The following PCDHA1 variants were observed in gnomAD, a reference collection of about 807,000 sequenced individuals.
The protein encoded by PCDHA1 is protocadherin alpha-1.
Under a neutral mutation model 61.3 loss-of-function variants are expected in PCDHA1, and 42 were observed. That is an observed-to-expected ratio of 0.69 (90% CI 0.54 to 0.89). PCDHA1 has a LOEUF of 0.89. Among genes scored for constraint, PCDHA1 ranks in the 40% least tolerant of loss-of-function variants. The pLI, the probability that PCDHA1 is intolerant of heterozygous loss-of-function variation, is 0.00. For synonymous variants in PCDHA1, 610 were observed against 553.8 expected, an observed-to-expected ratio of 1.10 and a Z score of -1.43; for missense variants, 1,256 against 1,235.3, an observed-to-expected ratio of 1.02 and a Z score of -0.25.
intron 1 of PCDHA1, among the ~76,000 whole-genome samples, chr5:140,953,598 T>C (rs1189793307): frequency 2.6e-5 from 4 of 152,188 alleles, no homozygotes; most frequent in South Asian, 2.1e-4. Context: ...CTTTTGTTTA[T>C]TCCCCAGAGT....
chr5:140,864,909 A>G (rs1046704709), intron 1 of PCDHA1: 1 of 152,160 alleles, frequency 6.6e-6, no homozygotes, highest in Non-Finnish European at 1.5e-5. Flanking sequence ...TCAGAATGGC[A>G]TTGCTGAGCT....
intron 1 of PCDHA1, chr5:140,848,620 G>T (rs2150415241): frequency 6.3e-7 from 1 of 1,593,518 alleles, no homozygotes; most frequent in Non-Finnish European, 8.6e-7. Context: ...GCCGAACACG[G>T]CACCTTCGTG....
At chr5:140,869,617 C>T (rs782525218) in intron 1 of PCDHA1, 3 of 1,613,828 alleles carry the variant, frequency 1.9e-6, no homozygotes, top group Non-Finnish European at 2.5e-6. Context: ...GACCTACAGG[C>T]TAAGTAAAAA....
intron 1 of PCDHA1, chr5:140,794,895 C>A: frequency 6.8e-7 from 1 of 1,474,750 alleles, no homozygotes; most frequent in Non-Finnish European, 9.2e-7. Flanking sequence ...AGGACTTTAA[C>A]AGAGACTAGA....
In PCDHA1 at chr5:140,787,469, C is replaced by G. The variant is rs782637108; in HGVS notation, c.1179C>G (p.Val393=). The change falls in exon 1 of 4, where the codon GTC becomes GTG. Residue 393 remains valine, a synonymous_variant. Coordinates refer to ENST00000504120, the MANE Select transcript of PCDHA1 (RefSeq NM_018900.4). ...GQVTCSLMPH[V]PFKLVSTFKN... ...TGACTTGCTCCTTAATGCCCCACGTCCCCTTCAAGCTGGTGTCCACCTTCA... is the reference window on the plus strand; with the variant it reads ...TGACTTGCTCCTTAATGCCCCACGTGCCCTTCAAGCTGGTGTCCACCTTCA... The G allele has an allele frequency of 2.0e-5, 33 of 1,614,100 alleles. No homozygotes were observed. Among genetic ancestry groups the G allele is most frequent in the Non-Finnish European group, 2.7e-5 (32 of 1,180,038 alleles).
At chr5:140,848,740 G>A (rs2150419221) in intron 1 of PCDHA1, 5 of 1,593,114 alleles carry the variant, frequency 3.1e-6, no homozygotes, top group East Asian at 2.2e-5. Context: ...CTGCAGAATG[G>A]CATTTTGTTT....
At chr5:140,901,485 C>T (rs894282962) in intron 1 of PCDHA1, among the ~76,000 whole-genome samples, 1 of 152,086 alleles carries the variant, frequency 6.6e-6, no homozygotes, top group African/African-American at 2.4e-5. Context: ...GTTCTTGGCA[C>T]CTTCATCGAA....
chr5:140,932,063 T>C (rs1020375496), intron 1 of PCDHA1, among the ~76,000 whole-genome samples: 8 of 151,942 alleles, frequency 5.3e-5, no homozygotes, highest in African/African-American at 1.4e-4. Context: ...CTAAAAATTA[T>C]CAGTTTAAGA....
At chr5:140,822,630 TG>T in intron 1 of PCDHA1, 1 of 1,611,460 alleles carries the variant, frequency 6.2e-7, no homozygotes, top group Non-Finnish European at 8.5e-7. Context: ...ATCTTGTTCT[TG>T]ACGATGTAAA....
intron 1 of PCDHA1, among the ~76,000 whole-genome samples, chr5:140,838,428 T>G (rs1373601057): frequency 6.6e-6 from 1 of 151,638 alleles, no homozygotes; most frequent in Non-Finnish European, 1.5e-5. Context: ...CCGGCCTAAA[T>G]TATATATTGG....
intron 1 of PCDHA1, chr5:140,871,023 C>T: frequency 6.2e-7 from 1 of 1,613,268 alleles, no homozygotes; most frequent in Non-Finnish European, 8.5e-7. Context: ...ACGAGGCAGA[C>T]TCGCCGCGCC....
intron 1 of PCDHA1, among the ~76,000 whole-genome samples, chr5:140,909,217 C>T (rs2074379679): frequency 6.6e-6 from 1 of 152,106 alleles, no homozygotes; most frequent in Non-Finnish European, 1.5e-5. Context: ...GTTGATATAC[C>T]CCTGAGGTAG....
intron 1 of PCDHA1, chr5:140,807,698 A>G: frequency 6.2e-7 from 1 of 1,614,212 alleles, no homozygotes; most frequent in Non-Finnish European, 8.5e-7. Context: ...GCTCACTTAC[A>G]GACTGAGCCC....
At chr5:140,846,534 C>T (rs1554141358) in intron 1 of PCDHA1, among the ~76,000 whole-genome samples, 2 of 148,222 alleles carry the variant, frequency 1.3e-5, no homozygotes, top group African/African-American at 4.9e-5. Context: ...GCCACCATGC[C>T]CTGCTAATTT....
intron 1 of PCDHA1, among the ~76,000 whole-genome samples, chr5:140,973,202 T>C (rs1266876355): frequency 3.3e-5 from 5 of 152,244 alleles, no homozygotes; most frequent in African/African-American, 1.2e-4. Flanking sequence ...TATGTGTGCA[T>C]ATTCACCCTA....
At chr5:140,860,165 GT>G (rs1478173649) in intron 1 of PCDHA1, 2 of 147,750 alleles carry the variant, frequency 1.4e-5, no homozygotes, top group Non-Finnish European at 3.0e-5. Flanking sequence ...ATATATATAT[GT>G]ATATATATAT....
intron 1 of PCDHA1, chr5:140,827,968 A>ATTCTTCTT: frequency 7.3e-7 from 1 of 1,370,946 alleles, no homozygotes; most frequent in South Asian, 1.4e-5. Flanking sequence ...CTATTACTGC[A>ATTCTTCTT]TCATTCCCTG....
rs116577362 is a variant in PCDHA1 at position 140,863,312 on chromosome 5, T to G, written c.2394+74628T>G. On this transcript the variant is annotated intron_variant, in intron 1 of 3. Transcript: ENST00000504120. ...TACCTGATCATCGCCATCTGCGTGGTGTCCAGCCTGTTAGTGCTCACGTTG... is the reference window on the plus strand; with the variant it reads ...TACCTGATCATCGCCATCTGCGTGGGGTCCAGCCTGTTAGTGCTCACGTTG... 14,488 of 1,456,150 alleles carry G rather than the reference T, an allele frequency of 9.9e-3. 118 individuals are homozygous for G. The highest frequency in any genetic ancestry group is 0.011 in the Non-Finnish European group (11,650 of 1,073,394). 90.2% of individuals were successfully genotyped at this position (1,456,150 alleles called of 1,614,324 possible). A position where few individuals can be genotyped will look rare whatever the true frequency, so the allele number is the denominator to read the frequency against.
chr5:140,891,133 A>AAAGGT (rs1241650823), intron 1 of PCDHA1, among the ~76,000 whole-genome samples: 2 of 152,106 alleles, frequency 1.3e-5, no homozygotes, highest in Non-Finnish European at 1.5e-5. Context: ...TCATTCCTTT[A>AAAGGT]AAGGTATTCT....
Sources: allele counts gnomAD v4.1 joint callset (sites outside exome capture counted in the v4.1 genomes callset), GRCh38; gene constraint gnomAD v4.1.1; transcripts MANE v1.5; gene names NCBI Gene and HGNC (gene_info 2026-07-23, HGNC 2026-07-21).